Variants in ARPIN observed in about 807,000 individuals in gnomAD.
ARPIN encodes actin related protein 2/3 complex inhibitor, also known as UPF0552 protein C15orf38.
In ARPIN, 23 loss-of-function variants were observed where a neutral mutation model predicts 25.9. That is an observed-to-expected ratio of 0.89 (90% CI 0.64 to 1.26). The LOEUF (loss-of-function observed/expected upper bound fraction) is 1.26, where lower values mean the gene tolerates loss of function less well. Ranked by LOEUF, ARPIN falls within the 50% of genes most tolerant of loss-of-function variation. ARPIN has a pLI of 0.00. For synonymous variants in ARPIN, 126 were observed against 131.4 expected, an observed-to-expected ratio of 0.96 and a Z score of 0.28; for missense variants, 333 against 312.2, an observed-to-expected ratio of 1.07 and a Z score of -0.50.
Position 89,896,660 on chromosome 15 carries a change from A to G in ARPIN, c.*5135T>C, listed in dbSNP as rs1337363451. On this transcript the variant is annotated 3_prime_UTR_variant, in exon 6 of 6. Coordinates refer to ENST00000357484, the MANE Select transcript of ARPIN (RefSeq NM_182616.4). ...TTGTTAAAATATGGCAAATGGTTATATTTAAAATGCAAATAACTGATAAAC... is the reference window on the plus strand; with the variant it reads ...TTGTTAAAATATGGCAAATGGTTATGTTTAAAATGCAAATAACTGATAAAC... 6.6e-6 allele frequency: 1 copy of G among 152,204 alleles called. No homozygotes were observed. Among genetic ancestry groups the G allele is most frequent in the East Asian group, 1.9e-4 (1 of 5,206 alleles). 9.4% of individuals were successfully genotyped at this position (152,204 alleles called of 1,614,324 possible).
At chr15:89,912,573 C>G (rs917040927) in intron 1 of ARPIN, 171 bp downstream of exon 1, 57 of 1,348,260 alleles carry the variant, frequency 4.2e-5, no homozygotes, top group Non-Finnish European at 5.3e-5. Flanking sequence ...TGGGCGGGCG[C>G]GGCGGCAGGG....
intron 3 of ARPIN, among the ~76,000 whole-genome samples, chr15:89,904,721 G>C (rs1897088422): frequency 6.6e-6 from 1 of 152,214 alleles, no homozygotes; most frequent in Non-Finnish European, 1.5e-5. Flanking sequence ...AGCAACCCCG[G>C]AGCTTGTCCC....
chr15:89,908,317 G>C lies in ARPIN; in HGVS notation c.264C>G (p.Thr88=). Residue 88 remains threonine, a synonymous_variant, in exon 3 of 6, where the codon ACC becomes ACG. Transcript: ENST00000357484. The part of the protein sequence containing the change: ...GNEIEPNFSA[T]RKVNTGFLMS... ...TGAGGAAGCCCGTGTTCACCTTCCTGGTGGCGCTGAAGTTGGGCTCGATTT... is the reference window on the plus strand; with the variant it reads ...TGAGGAAGCCCGTGTTCACCTTCCTCGTGGCGCTGAAGTTGGGCTCGATTT... 1 of 1,614,190 alleles carries C rather than the reference G, an allele frequency of 6.2e-7. No individual in the cohort carries two copies. The highest frequency in any genetic ancestry group is 1.6e-4 in the Middle Eastern group (1 of 6,062).
At position 89,895,659 on chromosome 15, in the gene ARPIN, G is replaced by A. The variant is rs1896919283; in HGVS notation, c.*6136C>T. 1 of 152,240 alleles carries A rather than the reference G, an allele frequency of 6.6e-6. No homozygotes were observed. Among genetic ancestry groups the A allele is most frequent in the Non-Finnish European group, 1.5e-5 (1 of 68,046 alleles). 9.4% of individuals were successfully genotyped at this position (152,240 alleles called of 1,614,324 possible). A position where few individuals can be genotyped will look rare whatever the true frequency, so the allele number is the denominator to read the frequency against. ...ACATAAGTGATTTAAAAACATCTTT[G>A]GGTGGTAGGATTATCAAGTTTTCCT... On this transcript the variant is annotated 3_prime_UTR_variant, in exon 6 of 6. Transcript: ENST00000357484.
intron 1 of ARPIN, among the ~76,000 whole-genome samples, chr15:89,911,550 A>G (rs1469553319): frequency 1.3e-5 from 2 of 152,188 alleles, no homozygotes; most frequent in Admixed American, 1.3e-4. Context: ...TGGGAAGTGA[A>G]AACTCTACCT....
At position 89,895,315 on chromosome 15, in the gene ARPIN, C is replaced by T. The variant is rs566292999; in HGVS notation, c.*6480G>A. 6.6e-6 allele frequency: 1 copy of T among 152,224 alleles called. No individual in the cohort carries two copies. Among genetic ancestry groups the T allele is most frequent in the South Asian group, 2.1e-4 (1 of 4,824 alleles). 9.4% of individuals were successfully genotyped at this position (152,224 alleles called of 1,614,324 possible). A position where few individuals can be genotyped will look rare whatever the true frequency, so the allele number is the denominator to read the frequency against. On this transcript the variant is annotated 3_prime_UTR_variant, in exon 6 of 6. Coordinates refer to ENST00000357484, the MANE Select transcript of ARPIN (RefSeq NM_182616.4). The stretch of plus-strand genomic sequence containing the variant: ...GCTAAAAGATTACACAAAGTATGTA[C>T]AGGGACAACCCACTTTGCTCAAGAT...
At chr15:89,906,088 T>C (rs945787083) in intron 3 of ARPIN, among the ~76,000 whole-genome samples, 4 of 152,146 alleles carry the variant, frequency 2.6e-5, no homozygotes, top group African/African-American at 9.7e-5. Flanking sequence ...GTGCCTCCTC[T>C]AGCTTGAGCT....
At position 89,897,374 on chromosome 15, in the gene ARPIN, ACTCGGGAGG is replaced by A. The variant is rs1268367095; in HGVS notation, c.*4412_*4420del. ...GTGGCGTGTGCCTGTAATCCCAGCT[ACTCGGGAGG>A]CTAAGGCAGCAGAATAGCTTGAACC... On this transcript the variant is annotated 3_prime_UTR_variant, in exon 6 of 6. Transcript: ENST00000357484. 6 of 152,190 alleles carry A rather than the reference ACTCGGGAGG, an allele frequency of 3.9e-5. No individual in the cohort carries two copies. Among genetic ancestry groups the A allele is most frequent in the African/African-American group, 1.4e-4 (6 of 41,424 alleles). 9.4% of individuals were successfully genotyped at this position (152,190 alleles called of 1,614,324 possible). A position where few individuals can be genotyped will look rare whatever the true frequency, so the allele number is the denominator to read the frequency against.
At chr15:89,908,192 C>T (rs2141925099) in intron 3 of ARPIN, 88 bp downstream of exon 3, 3 of 1,571,590 alleles carry the variant, frequency 1.9e-6, no homozygotes, top group Non-Finnish European at 2.6e-6. Context: ...TGAAGAGACA[C>T]TTTCCAGGGG....
chr15:89,902,863 G>A, intron 5 of ARPIN: 7 of 1,191,920 alleles, frequency 5.9e-6, no homozygotes, highest in Non-Finnish European at 7.3e-6. Flanking sequence ...GAAAAACTAC[G>A]CATTCAGTTG....
At position 89,897,713 on chromosome 15, in the gene ARPIN, T is replaced by C. The variant is rs1054592031; in HGVS notation, c.*4082A>G. ...ACCCAAATACTAAAAATTATGAACA[T>C]GACTGAGTGAAACTATGAGTCTTTT... On this transcript the variant is annotated 3_prime_UTR_variant, in exon 6 of 6. Transcript: ENST00000357484. The C allele has an allele frequency of 2.0e-5, 3 of 152,246 alleles. No homozygotes were observed. The highest frequency in any genetic ancestry group is 4.4e-5 in the Non-Finnish European group (3 of 68,048). 9.4% of individuals were successfully genotyped at this position (152,246 alleles called of 1,614,324 possible).
Position 89,910,754 on chromosome 15 carries a change from T to C in ARPIN, c.158A>G (p.His53Arg). The change falls in exon 2 of 6, where the codon CAT becomes CGT. Residue 53 changes from histidine to arginine, a missense_variant. Coordinates refer to ENST00000357484, the MANE Select transcript of ARPIN (RefSeq NM_182616.4). ...DVSRHSILDT[H>R]GRKERYYVLY... ...AGGAAGCATCCTCACCTTCCTGCCA[T>C]GAGTGTCCAAGATGCTGTGCCGAGA... 6.2e-7 allele frequency: 1 copy of C among 1,614,150 alleles called. No homozygotes were observed. The highest frequency in any genetic ancestry group is 8.5e-7 in the Non-Finnish European group (1 of 1,179,996).
intron 3 of ARPIN, among the ~76,000 whole-genome samples, chr15:89,906,841 C>T (rs886896620): frequency 3.3e-4 from 50 of 151,854 alleles, no homozygotes; most frequent in African/African-American, 1.1e-3. Context: ...AAAATTCGTA[C>T]GTTAACAGGA....
chr15:89,910,350 T>C (rs865855275), intron 2 of ARPIN, among the ~76,000 whole-genome samples: 24 of 151,870 alleles, frequency 1.6e-4, no homozygotes, highest in African/African-American at 5.3e-4. Flanking sequence ...ACACCTGAGA[T>C]GGGGTGGTGA....
chr15:89,901,891 G>A, intron 5 of ARPIN, 88 bp from the exon 6 acceptor site: 4 of 1,512,614 alleles, frequency 2.6e-6, no homozygotes, highest in Non-Finnish European at 3.6e-6. Context: ...GGGTTCAATT[G>A]CGTGGTACCT....
At chr15:89,904,226 T>C (rs2141920674) in intron 3 of ARPIN, among the ~76,000 whole-genome samples, 1 of 151,860 alleles carries the variant, frequency 6.6e-6, no homozygotes, top group African/African-American at 2.4e-5. Flanking sequence ...TTACATCACC[T>C]CTCCGTACCC....
chr15:89,910,927 C>T, intron 1 of ARPIN, 108 bp from the exon 2 acceptor site: 1 of 1,316,830 alleles, frequency 7.6e-7, no homozygotes, highest in East Asian at 2.5e-5. Flanking sequence ...CTGAGCAGCT[C>T]CTTTCCCCGT....
intron 1 of ARPIN, among the ~76,000 whole-genome samples, 180 bp from the exon 2 acceptor site, chr15:89,910,999 G>C (rs1897213743): frequency 6.6e-6 from 1 of 152,122 alleles, no homozygotes; most frequent in South Asian, 2.1e-4. Flanking sequence ...GATGCCAGGA[G>C]GAACCTTGTC....
intron 3 of ARPIN, among the ~76,000 whole-genome samples, chr15:89,908,047 G>A (rs998342414): frequency 2.0e-5 from 3 of 152,178 alleles, no homozygotes; most frequent in African/African-American, 4.8e-5. Context: ...ACAGGAAATG[G>A]CAGGAGGTGG....
Sources: allele counts gnomAD v4.1 joint callset (sites outside exome capture counted in the v4.1 genomes callset), GRCh38; gene constraint gnomAD v4.1.1; transcripts MANE v1.5; gene names NCBI Gene and HGNC (gene_info 2026-07-23, HGNC 2026-07-21).